The following RNF2 variants were observed in gnomAD, a reference collection of about 807,000 sequenced individuals.
The protein encoded by RNF2 is E3 ubiquitin-protein ligase RING2.
In RNF2, 6 loss-of-function variants were observed where a neutral mutation model predicts 37.2. The observed-to-expected ratio is 0.16, with a 90% CI of 0.09 to 0.32. RNF2 has a LOEUF of 0.32. Among genes scored for constraint, RNF2 ranks in the 10% least tolerant of loss-of-function variants. The pLI is 1.00. For missense variants in RNF2, 251 were observed against 404.0 expected (o/e 0.62, Z 3.25); for synonymous variants, 133 against 132.7 (o/e 1.00, Z -0.02).
chr1:185,064,978 G>A (rs1650757058), intron 1 of RNF2, among the ~76,000 whole-genome samples: 1 of 152,056 alleles, frequency 6.6e-6, no homozygotes, highest in African/African-American at 2.4e-5. Flanking sequence ...TGTATGTGTG[G>A]AGTCTTCAGG....
intron 2 of RNF2, among the ~76,000 whole-genome samples, chr1:185,088,803 C>T (rs532445915): frequency 3.3e-4 from 50 of 152,226 alleles, no homozygotes; most frequent in African/African-American, 1.2e-3. Flanking sequence ...CTAATAAGTA[C>T]TATGTTGAAT....
rs1184470845 is a variant in RNF2 at position 185,098,158 on chromosome 1, C to T, written c.551C>T (p.Thr184Ile). Residue 184 changes from threonine (T) to isoleucine (I), a missense_variant, in exon 5 of 7, where the codon ACA becomes ATA. Around this residue, in one of 7 missense-constraint regions of RNF2, gnomAD observed 94 missense variants for 99.2 expected, o/e 0.95. Coordinates refer to ENST00000367510, the MANE Select transcript of RNF2 (RefSeq NM_007212.4). ...GDSSHCSNASTHSNQEAGPSN... is the reference protein window; with the variant it reads ...GDSSHCSNASIHSNQEAGPSN... ...AGTTCACACTGCAGTAATGCATCCA[C>T]ACATAGCAATCAGGAAGCAGGCCCT... 1.9e-6 allele frequency: 3 copies of T among 1,614,060 alleles called. No homozygotes were observed. Among genetic ancestry groups the T allele is most frequent in the Admixed American group, 3.3e-5 (2 of 59,998 alleles).
In RNF2 at chr1:185,076,807, T is replaced by C. The variant is rs540824724; in HGVS notation, c.-2-10745T>C. Among the ~76,000 whole-genome samples the C allele has an allele frequency of 3.9e-5, 6 of 152,234 alleles. No homozygotes were observed. The East Asian group carries it at 9.6e-4, about 24-fold the overall frequency. Reference sequence around the variant, plus strand: ...CATAGTGTTGCTTTCTATTAAGCTTTAATGTTTGTTTTAAGGTAAACTCTC... The same window carrying C: ...CATAGTGTTGCTTTCTATTAAGCTTCAATGTTTGTTTTAAGGTAAACTCTC... On this transcript the variant is annotated intron_variant, in intron 1 of 6. Coordinates refer to ENST00000367510, the MANE Select transcript of RNF2 (RefSeq NM_007212.4).
intron 1 of RNF2, among the ~76,000 whole-genome samples, chr1:185,060,495 T>C (rs1045228613): frequency 6.6e-6 from 1 of 152,186 alleles, no homozygotes; most frequent in Non-Finnish European, 1.5e-5. Context: ...CTGTTCTGCT[T>C]AGGAAATTAT....
chr1:185,074,692 G>T (rs1462023411), intron 1 of RNF2, among the ~76,000 whole-genome samples: 1 of 152,096 alleles, frequency 6.6e-6, no homozygotes, highest in African/African-American at 2.4e-5. Flanking sequence ...AAAAAAAATG[G>T]TATGGTTGCA....
chr1:185,061,126 CTCT>C (rs1394467712), intron 1 of RNF2, among the ~76,000 whole-genome samples: 8 of 117,592 alleles, frequency 6.8e-5, no homozygotes, highest in African/African-American at 1.2e-4. Flanking sequence ...ATTTCTCTCT[CTCT>C]TTTTTTTTTT....
intron 1 of RNF2, among the ~76,000 whole-genome samples, chr1:185,058,705 G>T (rs1385331055): frequency 6.6e-6 from 1 of 152,154 alleles, no homozygotes; most frequent in Non-Finnish European, 1.5e-5. Flanking sequence ...ATTATTTGAA[G>T]AACTCACATT....
At chr1:185,096,197 C>T (rs1448004863) in intron 4 of RNF2, among the ~76,000 whole-genome samples, 2 of 151,978 alleles carry the variant, frequency 1.3e-5, no homozygotes, top group Non-Finnish European at 2.9e-5. Context: ...TTATGTTGTG[C>T]TATCAATTTT....
chr1:185,065,936 A>G (rs1571302388), intron 1 of RNF2, among the ~76,000 whole-genome samples: 1 of 146,110 alleles, frequency 6.8e-6, no homozygotes, highest in Non-Finnish European at 1.5e-5. Flanking sequence ...TAAAAATACT[A>G]CTTTCTGCTA....
chr1:185,058,128 A>G (rs1288835237), intron 1 of RNF2, among the ~76,000 whole-genome samples: 2 of 152,224 alleles, frequency 1.3e-5, no homozygotes, highest in African/African-American at 4.8e-5. Flanking sequence ...CCCATCTCAG[A>G]TAATAATAGT....
chr1:185,083,689 G>A (rs1361143630), intron 1 of RNF2, among the ~76,000 whole-genome samples: 1 of 151,854 alleles, frequency 6.6e-6, no homozygotes, highest in East Asian at 1.9e-4. Context: ...CCAGGCTGGA[G>A]TGCAGTGGTG....
intron 2 of RNF2, among the ~76,000 whole-genome samples, chr1:185,090,138 T>C (rs1470151264): frequency 1.3e-5 from 2 of 152,080 alleles, no homozygotes; most frequent in African/African-American, 4.8e-5. Flanking sequence ...GTCAGGCTGG[T>C]CTCGAACTTC....
intron 1 of RNF2, among the ~76,000 whole-genome samples, chr1:185,077,614 G>T (rs1429142338): frequency 3.7e-5 from 5 of 133,736 alleles, no homozygotes; most frequent in Non-Finnish European, 6.1e-5. Flanking sequence ...TAATTGTTAG[G>T]AATTAACTTT....
At chr1:185,074,660 C>T (rs957331082) in intron 1 of RNF2, among the ~76,000 whole-genome samples, 3 of 151,980 alleles carry the variant, frequency 2.0e-5, no homozygotes, top group African/African-American at 7.3e-5. Context: ...TTTCAACCAA[C>T]TACAGATTGA....
intron 1 of RNF2, among the ~76,000 whole-genome samples, chr1:185,059,046 G>A (rs1356808575): frequency 6.6e-6 from 1 of 152,088 alleles, no homozygotes; most frequent in East Asian, 1.9e-4. Context: ...CTGGTCCCTG[G>A]CTTTCTTTCA....
intron 1 of RNF2, among the ~76,000 whole-genome samples, chr1:185,055,976 T>C (rs114409835): frequency 0.013 from 2,010 of 152,266 alleles, 35 homozygotes; most frequent in African/African-American, 0.046. Flanking sequence ...AATTGTAAAG[T>C]AATGTATGTT....
chr1:185,064,925 C>A (rs762853090), intron 1 of RNF2, among the ~76,000 whole-genome samples: 3 of 151,914 alleles, frequency 2.0e-5, no homozygotes, highest in Non-Finnish European at 4.4e-5. Context: ...TTTTTTCTTG[C>A]AACGTTGCTG....
At position 185,098,062 on chromosome 1, in the gene RNF2, C is replaced by T. The variant is rs1464916372; in HGVS notation, c.465-10C>T. The stretch of plus-strand genomic sequence containing the variant: ...TAAATTTTATGCATCCTTTTTTCCC[C>T]CTTGACTAGACTGCAGCGAGGCAAG... On this transcript the variant is annotated splice_polypyrimidine_tract_variant and intron_variant, in intron 4 of 6. Coordinates refer to ENST00000367510, the MANE Select transcript of RNF2 (RefSeq NM_007212.4). 3 of 1,611,792 alleles carry T rather than the reference C, an allele frequency of 1.9e-6. No individual in the cohort carries two copies. Among genetic ancestry groups the T allele is most frequent in the Non-Finnish European group, 2.5e-6 (3 of 1,178,738 alleles).
chr1:185,098,300 G>A lies in RNF2; in HGVS notation c.693G>A (p.Arg231=). 6.2e-7 allele frequency: 1 copy of A among 1,614,198 alleles called. No individual in the cohort carries two copies. The highest frequency in any genetic ancestry group is 8.5e-7 in the Non-Finnish European group (1 of 1,180,024). The change falls in exon 5 of 7, where the codon AGG becomes AGA. Residue 231 remains arginine, a synonymous_variant. Transcript: ENST00000367510. ...CTAGTGAAATTGAATTAGTATTCAGGCCTCATCCCACACTTATGGAAAAAG... is the reference window on the plus strand; with the variant it reads ...CTAGTGAAATTGAATTAGTATTCAGACCTCATCCCACACTTATGGAAAAAG... ...DGASEIELVF[R]PHPTLMEKDD...
Sources: allele counts gnomAD v4.1 joint callset (sites outside exome capture counted in the v4.1 genomes callset), GRCh38; gene constraint gnomAD v4.1.1; regional missense constraint gnomAD v4.1.1; transcripts MANE v1.5; gene names NCBI Gene and HGNC (gene_info 2026-07-23, HGNC 2026-07-21).